Variants in POLH observed in about 807,000 individuals in gnomAD.
POLH encodes the protein DNA polymerase eta.
A neutral mutation model predicts 73.6 loss-of-function variants in POLH; 53 were observed. The ratio of observed to expected loss-of-function variants is 0.72; its 90% CI spans 0.58 to 0.91. The LOEUF (loss-of-function observed/expected upper bound fraction) is 0.91, where lower values mean the gene tolerates loss of function less well. Among genes scored for constraint, POLH ranks in the 40% least tolerant of loss-of-function variants. The pLI is 0.00. For synonymous variants in POLH, 292 were observed against 308.5 expected, an observed-to-expected ratio of 0.95 and a Z score of 0.56; for missense variants, 768 against 865.4, an observed-to-expected ratio of 0.89 and a Z score of 1.41.
At position 43,603,907 on chromosome 6, in the gene POLH, A is replaced by G. The variant is rs1767002993; in HGVS notation, c.780A>G (p.Gly260=). The change falls in exon 7 of 11, where the codon GGA becomes GGG. Residue 260 remains glycine (G), a synonymous_variant. Transcript: ENST00000372236. ...TTGTTATCAGCCGTAGTCTTGGAGG[A>G]AAGCTAGGGGCCTCTGTCATTGAGA... ...MPIRKIRSLG[G]KLGASVIEIL... is the part of the protein sequence containing the mutation. The G allele has an allele frequency of 6.2e-7, 1 of 1,613,598 alleles. No individual in the cohort carries two copies. Among genetic ancestry groups the G allele is most frequent in the Non-Finnish European group, 8.5e-7 (1 of 1,179,626 alleles).
At chr6:43,584,973 T>C (rs548182566) in intron 3 of POLH, among the ~76,000 whole-genome samples, 1 of 152,198 alleles carries the variant, frequency 6.6e-6, no homozygotes, top group East Asian at 1.9e-4. Context: ...AGACCTCGTC[T>C]CTACCAAAAT....
At chr6:43,595,776 C>G (rs1218396787) in intron 4 of POLH, among the ~76,000 whole-genome samples, 2 of 151,894 alleles carry the variant, frequency 1.3e-5, no homozygotes, top group Non-Finnish European at 2.9e-5. Flanking sequence ...GAGCGAGATT[C>G]TATCTCAAAA....
chr6:43,604,064 A>G, intron 7 of POLH, 53 bp downstream of exon 7: 1 of 1,410,498 alleles, frequency 7.1e-7, no homozygotes, highest in Non-Finnish European at 1.0e-6. Flanking sequence ...TGCTATATTC[A>G]AATATAGACA....
chr6:43,579,858 A>G (rs1386081338), intron 1 of POLH, among the ~76,000 whole-genome samples: 2 of 151,000 alleles, frequency 1.3e-5, no homozygotes. Context: ...ACATTTGGTC[A>G]CAGAAGTCTA....
At chr6:43,581,105 C>A (rs1261755439) in intron 1 of POLH, among the ~76,000 whole-genome samples, 1 of 140,588 alleles carries the variant, frequency 7.1e-6, no homozygotes, top group Non-Finnish European at 1.6e-5. Context: ...GACGGGGCAG[C>A]TGCCGGGCGG....
intron 4 of POLH, among the ~76,000 whole-genome samples, chr6:43,594,262 T>C (rs1765806836): frequency 6.6e-6 from 1 of 152,216 alleles, no homozygotes; most frequent in Admixed American, 6.5e-5. Context: ...TTCATATTTT[T>C]GTTTCCCAAA....
In POLH at chr6:43,620,056, G is replaced by C. The variant is rs1003361481; in HGVS notation, c.*5499G>C. 4.1e-5 allele frequency: 12 copies of C among 294,422 alleles called. No homozygotes were observed. The Admixed American group carries it at 6.3e-4, about 15-fold the overall frequency. The allele number at this position is 294,422 out of a possible 1,614,324, so 18.2% of individuals were successfully genotyped here. On this transcript the variant is annotated 3_prime_UTR_variant, in exon 11 of 11. Coordinates refer to ENST00000372236, the MANE Select transcript of POLH (RefSeq NM_006502.3). ...AGCAGGGACTAAGGTTTGGTCAAGT[G>C]GCCCTCATTGTTCCAAGAGTAATTT...
At chr6:43,604,434 T>TA in intron 7 of POLH, among the ~76,000 whole-genome samples, 181 bp from the exon 8 acceptor site, 1 of 152,324 alleles carries the variant, frequency 6.6e-6, no homozygotes, top group East Asian at 1.9e-4. Flanking sequence ...TGTCCATATA[T>TA]TGCACTGGAA....
In POLH at chr6:43,619,721, T is replaced by C. The variant is rs182401803; in HGVS notation, c.*5164T>C. On this transcript the variant is annotated 3_prime_UTR_variant, in exon 11 of 11. Coordinates refer to ENST00000372236, the MANE Select transcript of POLH (RefSeq NM_006502.3). ...ACAATACAGGCAAAAGATAAGTAAA[T>C]TGTGGACAAAGCTTTCATCTCTATC... Among the ~76,000 whole-genome samples, 5 of 152,358 alleles carry C rather than the reference T, an allele frequency of 3.3e-5. No homozygotes were observed. In the East Asian group the frequency reaches 7.7e-4, roughly 23 times the overall value.
Position 43,614,770 on chromosome 6 carries a change from C to A in POLH, c.*213C>A, listed in dbSNP as rs1451894962. The A allele has an allele frequency of 3.7e-6, 2 of 539,340 alleles. No homozygotes were observed. The highest frequency in any genetic ancestry group is 6.5e-6 in the Non-Finnish European group (2 of 309,650). 33.4% of individuals were successfully genotyped at this position (539,340 alleles called of 1,614,324 possible). A position where few individuals can be genotyped will look rare whatever the true frequency, so the allele number is the denominator to read the frequency against. ...GACAGAGATGTAAAAATTCATCCTA[C>A]CAGAGTTTTTAATCTTTAGCATTTA... is the stretch of plus-strand genomic sequence containing the variant. On this transcript the variant is annotated 3_prime_UTR_variant, in exon 11 of 11. Transcript: ENST00000372236.
intron 10 of POLH, among the ~76,000 whole-genome samples, chr6:43,613,391 A>G (rs746330690): frequency 6.6e-6 from 1 of 152,174 alleles, no homozygotes; most frequent in African/African-American, 2.4e-5. Flanking sequence ...AGTGGTTGCT[A>G]AATTAGTGGT....
At chr6:43,579,142 G>T (rs894058563) in intron 1 of POLH, among the ~76,000 whole-genome samples, 1 of 151,438 alleles carries the variant, frequency 6.6e-6, no homozygotes, top group Non-Finnish European at 1.5e-5. Flanking sequence ...CTTGAAGCAA[G>T]CCTCAGAAAA....
At chr6:43,600,899 C>G (rs968068264) in intron 5 of POLH, 89 bp from the exon 6 acceptor site, 5 of 833,944 alleles carry the variant, frequency 6.0e-6, no homozygotes, top group Non-Finnish European at 1.1e-5. Context: ...CTATTAAGCT[C>G]TGTGTGTGTG....
rs954126905 is a variant in POLH, at chr6:43,616,358, C to G, written c.*1801C>G. On this transcript the variant is annotated 3_prime_UTR_variant, in exon 11 of 11. Transcript: ENST00000372236. ...CCTATAATCCCAGCATTTAGGGAGGCTGAGGTGAGTGGATTGCAGGAGCTC... is the reference window on the plus strand; with the variant it reads ...CCTATAATCCCAGCATTTAGGGAGGGTGAGGTGAGTGGATTGCAGGAGCTC... Among the ~76,000 whole-genome samples the G allele has an allele frequency of 6.6e-6, 1 of 150,818 alleles. No homozygotes were observed. Among genetic ancestry groups the G allele is most frequent in the Non-Finnish European group, 1.5e-5 (1 of 67,858 alleles).
At position 43,618,090 on chromosome 6, in the gene POLH, A is replaced by G. The variant is rs2127827147; in HGVS notation, c.*3533A>G. ...TGTTCATCTTTCCCACTGAGTGTAA[A>G]TATTTAGCTTAGGGTTTAAAATTTG... is the stretch of plus-strand genomic sequence containing the variant. On this transcript the variant is annotated 3_prime_UTR_variant, in exon 11 of 11. Coordinates refer to ENST00000372236, the MANE Select transcript of POLH (RefSeq NM_006502.3). 6.6e-6 allele frequency among the ~76,000 whole-genome samples: 1 copy of G among 152,220 alleles called. No individual in the cohort carries two copies. The highest frequency in any genetic ancestry group is 2.4e-5 in the African/African-American group (1 of 41,542).
intron 1 of POLH, among the ~76,000 whole-genome samples, 187 bp downstream of exon 1, chr6:43,576,627 AGTT>A (rs750943107): frequency 1.8e-4 from 28 of 152,194 alleles, no homozygotes; most frequent in Non-Finnish European, 2.8e-4. Context: ...TTTTCCCTGT[AGTT>A]GTTAAACCTC....
At chr6:43,579,775 CG>C (rs1256679125) in intron 1 of POLH, among the ~76,000 whole-genome samples, 1 of 152,024 alleles carries the variant, frequency 6.6e-6, no homozygotes, top group Non-Finnish European at 1.5e-5. Context: ...ATGTCAGACT[CG>C]AATTGGAGGA....
At chr6:43,581,663 C>G (rs1457369675) in intron 1 of POLH, among the ~76,000 whole-genome samples, 1 of 118,312 alleles carries the variant, frequency 8.5e-6, no homozygotes, top group Admixed American at 7.5e-5. Flanking sequence ...TGAACTCCAT[C>G]CTCCCGGCGG....
At chr6:43,610,760 G>A (rs1767803702) in intron 10 of POLH, 37 bp downstream of exon 10, 5 of 1,537,236 alleles carry the variant, frequency 3.3e-6, no homozygotes, top group Non-Finnish European at 2.7e-6. Context: ...CAGAATAGAT[G>A]ATGATTCTTA....
Sources: gnomAD v4.1 joint callset for allele counts (sites outside exome capture counted in the v4.1 genomes callset) on GRCh38, gnomAD v4.1.1 for gene constraint, MANE v1.5 for transcripts, NCBI Gene and HGNC (gene_info 2026-07-23, HGNC 2026-07-21) for gene names.